ABLIM1: variants seen among roughly 807,000 people sequenced by gnomAD.
ABLIM1 encodes actin-binding LIM protein 1.
In ABLIM1, 40 loss-of-function variants were observed where a neutral mutation model predicts 107.0. That is an observed-to-expected ratio of 0.37 (90% confidence interval 0.29 to 0.49). The LOEUF (loss-of-function observed/expected upper bound fraction) is 0.49, where lower values mean the gene tolerates loss of function less well. Among genes scored for constraint, ABLIM1 ranks in the 20% least tolerant of loss-of-function variants. The pLI, the probability that ABLIM1 is intolerant of heterozygous loss-of-function variation, is 0.97. For missense variants in ABLIM1, 857 were observed against 1,008.5 expected, an observed-to-expected ratio of 0.85 and a Z score of 2.04; for synonymous variants, 357 against 357.3, an observed-to-expected ratio of 1.00 and a Z score of 0.01.
chr10:114,751,420 C>T (rs2082508396), intron 1 of ABLIM1, among the ~76,000 whole-genome samples: 1 of 152,036 alleles, frequency 6.6e-6, no homozygotes, highest in Admixed American at 6.6e-5. Context: ...CAACACTCTC[C>T]AAGAGAAAAT....
chr10:114,500,197 G>A (rs2135521244), intron 6 of ABLIM1, among the ~76,000 whole-genome samples: 1 of 152,316 alleles, frequency 6.6e-6, no homozygotes, highest in Admixed American at 6.5e-5. Context: ...CGTGTGCTAT[G>A]TCAGAGGAAG....
intron 6 of ABLIM1, among the ~76,000 whole-genome samples, chr10:114,538,252 C>T (rs1208969142): frequency 2.0e-5 from 3 of 152,156 alleles, no homozygotes; most frequent in Non-Finnish European, 2.9e-5. Context: ...TTTTTAATTC[C>T]TCTGAGAGCC....
intron 18 of ABLIM1, 101 bp downstream of exon 18, chr10:114,441,621 C>T: frequency 7.9e-6 from 9 of 1,136,210 alleles, no homozygotes; most frequent in Non-Finnish European, 3.9e-6. Flanking sequence ...TGTTCCAACA[C>T]TGAGATCAAG....
chr10:114,504,574 AT>A (rs1391530452), intron 6 of ABLIM1, among the ~76,000 whole-genome samples: 3 of 152,154 alleles, frequency 2.0e-5, no homozygotes, highest in Non-Finnish European at 4.4e-5. Context: ...ACTTTAAGTG[AT>A]GATAATTTGA....
At chr10:114,659,133 C>A (rs1259857541), upstream of ABLIM1, among the ~76,000 whole-genome samples, 9 of 152,158 alleles carry the variant, frequency 5.9e-5, no homozygotes, top group African/African-American at 2.2e-4. Context: ...AATTCCTTTT[C>A]ATTAAAACCC....
At position 114,453,404 on chromosome 10, in the gene ABLIM1, C is replaced by T; in HGVS notation, c.1521G>A (p.Gln507=). The T allele has an allele frequency of 6.2e-7, 1 of 1,613,926 alleles. No individual in the cohort carries two copies. The highest frequency in any genetic ancestry group is 8.5e-7 in the Non-Finnish European group (1 of 1,179,968). The change falls in exon 13 of 23, where the codon CAG becomes CAA. Residue 507 remains glutamine (Q), a synonymous_variant. Transcript: ENST00000533213. ...CTGGAACATGGAAATGTTTAGGGGC[C>T]TGAGCGTAAGTTGGAGTTAGAGGGC... The part of the protein sequence containing the change: ...DSRPLTPTYA[Q]APKHFHVPDQ...
In ABLIM1 at chr10:114,694,292, G is replaced by A. The variant is rs113916838; in HGVS notation, c.-213+73769C>T. Among the ~76,000 whole-genome samples, 1,205 of 152,188 alleles carry A rather than the reference G, an allele frequency of 7.9e-3. 11 individuals are homozygous for A. The highest frequency in any genetic ancestry group is 0.014 in the Non-Finnish European group (965 of 68,010). On this transcript the variant is annotated intron_variant, in intron 1 of 15. Coordinates refer to the ABLIM1 transcript ENST00000651092. ...GGGTGCCACTCTGAGAAAACATCAC[G>A]GACTTCCTAGACTCTGCAGTCACTT... is the stretch of plus-strand genomic sequence containing the variant.
At chr10:114,700,671 C>G (rs1193265569) in intron 1 of ABLIM1, among the ~76,000 whole-genome samples, 1 of 151,844 alleles carries the variant, frequency 6.6e-6, no homozygotes. Flanking sequence ...GCAAAGGCCC[C>G]AGTGCAATTC....
At position 114,619,985 on chromosome 10, in the gene ABLIM1, C is replaced by A. The variant is rs1211355596; in HGVS notation, c.245-18024G>T. On this transcript the variant is annotated intron_variant, in intron 1 of 22. Transcript: ENST00000533213. The surrounding 1 kb of genome is among the most constrained non-coding windows in gnomAD (Gnocchi z 4.1). ...CCTGTCCCGTTGCAAGTGAAGAAAC[C>A]CAACGTAACCCAAACATACCTATTA... Among the ~76,000 whole-genome samples the A allele has an allele frequency of 6.6e-6, 1 of 152,112 alleles. No individual in the cohort carries two copies. The highest frequency in any genetic ancestry group is 1.5e-5 in the Non-Finnish European group (1 of 68,016).
chr10:114,563,770 T>TA (rs1043134017), intron 4 of ABLIM1, among the ~76,000 whole-genome samples: 1 of 144,856 alleles, frequency 6.9e-6, no homozygotes, highest in African/African-American at 2.6e-5. Flanking sequence ...CACTTGAACC[T>TA]GGCAGGCGGA....
At chr10:114,471,573 G>A (rs1306907174) in intron 10 of ABLIM1, among the ~76,000 whole-genome samples, 4 of 152,048 alleles carry the variant, frequency 2.6e-5, no homozygotes, top group African/African-American at 9.7e-5. Context: ...CATGAAAATG[G>A]ATATCACTTC....
chr10:114,687,073 A>G (rs569287244), upstream of ABLIM1, among the ~76,000 whole-genome samples: 1 of 152,364 alleles, frequency 6.6e-6, no homozygotes, highest in South Asian at 2.1e-4. Flanking sequence ...CAGGAAAGTG[A>G]CCGTCACTTA....
intron 4 of ABLIM1, among the ~76,000 whole-genome samples, chr10:114,562,880 A>T (rs1005416279): frequency 2.6e-4 from 40 of 152,306 alleles, no homozygotes; most frequent in African/African-American, 9.6e-4. Context: ...CAAAAAAACC[A>T]GTCCTTGCCG....
intron 8 of ABLIM1, among the ~76,000 whole-genome samples, chr10:114,479,078 C>A (rs978410547): frequency 6.6e-6 from 1 of 152,048 alleles, no homozygotes; most frequent in African/African-American, 2.4e-5. Context: ...TTTCTTTTTT[C>A]TTTTCCATTC....
intron 1 of ABLIM1, among the ~76,000 whole-genome samples, chr10:114,643,762 G>A (rs1403135691): frequency 1.3e-5 from 2 of 151,672 alleles, no homozygotes; most frequent in East Asian, 1.9e-4. Context: ...TTTTTTTAGA[G>A]AGGGAGTCTC....
rs554011586 is a variant in ABLIM1 at position 114,468,332 on chromosome 10, T to C, written c.1276-116A>G. 1.6e-5 allele frequency: 15 copies of C among 967,644 alleles called. No homozygotes were observed. In the African/African-American group the frequency reaches 1.8e-4, roughly 11 times the overall value. The allele number at this position is 967,644 out of a possible 1,614,324, so 59.9% of individuals were successfully genotyped here. On this transcript the variant is annotated intron_variant, in intron 10 of 22. Coordinates refer to ENST00000533213, the MANE Select transcript of ABLIM1 (RefSeq NM_002313.7). ...CTCTGTCGCCCAGGCTGGAGTGCAG[T>C]GGCGCAATCTCGGTTTACTGCAATC...
At chr10:114,513,961 A>C (rs1405962228) in intron 6 of ABLIM1, among the ~76,000 whole-genome samples, 1 of 152,166 alleles carries the variant, frequency 6.6e-6, no homozygotes, top group African/African-American at 2.4e-5. Flanking sequence ...TGACACCATC[A>C]CTCAATGACT....
intron 1 of ABLIM1, among the ~76,000 whole-genome samples, chr10:114,607,104 C>G (rs2076469133): frequency 6.6e-6 from 1 of 152,220 alleles, no homozygotes; most frequent in Non-Finnish European, 1.5e-5. Flanking sequence ...CACTCTGTCA[C>G]CAGGCTGGAA....
chr10:114,533,247 A>G (rs2065636675), intron 6 of ABLIM1, among the ~76,000 whole-genome samples: 1 of 152,164 alleles, frequency 6.6e-6, no homozygotes, highest in Non-Finnish European at 1.5e-5. Flanking sequence ...AGGCTGAAGC[A>G]GGAGAATTGC....
Sources: allele counts gnomAD v4.1 joint callset (sites outside exome capture counted in the v4.1 genomes callset), GRCh38; gene constraint gnomAD v4.1.1; non-coding constraint Gnocchi (gnomAD v3.1); transcripts MANE v1.5; gene names NCBI Gene and HGNC (gene_info 2026-07-23, HGNC 2026-07-21).